Variants in RHBDL3 observed in about 807,000 individuals in gnomAD.
The protein encoded by RHBDL3 is rhomboid-related protein 3.
Under a neutral mutation model 48.2 loss-of-function variants are expected in RHBDL3, and 28 were observed. That is an observed-to-expected ratio of 0.58 (90% CI 0.43 to 0.80). The LOEUF is 0.80. Ranked by LOEUF, RHBDL3 falls within the 30% of genes least tolerant of loss-of-function variation. The probability of loss-of-function intolerance (pLI) is 0.00; values close to 1 mark genes in which losing one functional copy is unlikely to be tolerated. For missense variants in RHBDL3, 464 were observed against 542.7 expected (o/e 0.85, Z 1.44); for synonymous variants, 208 against 232.3 (o/e 0.90, Z 0.95).
At chr17:32,311,601 G>A (rs1261673465) in intron 7 of RHBDL3, among the ~76,000 whole-genome samples, 1 of 152,160 alleles carries the variant, frequency 6.6e-6, no homozygotes, top group Non-Finnish European at 1.5e-5. Flanking sequence ...CCTAAAGTGT[G>A]CGGCAGAGGG....
At chr17:32,270,193 T>C (rs945390543) in intron 2 of RHBDL3, among the ~76,000 whole-genome samples, 3 of 145,294 alleles carry the variant, frequency 2.1e-5, no homozygotes, top group Admixed American at 1.4e-4. Context: ...ACTGCAGTCA[T>C]GGATGGGACA....
At chr17:32,305,234 C>G (rs2150740142) in intron 6 of RHBDL3, 107 bp from the exon 7 acceptor site, 1 of 760,000 alleles carries the variant, frequency 1.3e-6, no homozygotes. Context: ...GGTGGAGCGT[C>G]TTGCTCTGGA....
chr17:32,273,064 G>A (rs925199364), intron 2 of RHBDL3, among the ~76,000 whole-genome samples: 1 of 152,208 alleles, frequency 6.6e-6, no homozygotes, highest in Admixed American at 6.5e-5. Context: ...GCAGTAGCGC[G>A]ATCTCAGCTT....
At chr17:32,307,830 C>T (rs943853856) in intron 7 of RHBDL3, among the ~76,000 whole-genome samples, 4 of 152,104 alleles carry the variant, frequency 2.6e-5, no homozygotes, top group Admixed American at 2.6e-4. Flanking sequence ...ATTCTGCCTC[C>T]TCCACTCCCC....
At chr17:32,269,966 C>G (rs1233477406) in intron 2 of RHBDL3, among the ~76,000 whole-genome samples, 1 of 151,786 alleles carries the variant, frequency 6.6e-6, no homozygotes, top group East Asian at 1.9e-4. Flanking sequence ...GAAGGTAGGT[C>G]CTGGGTCCTG....
intron 4 of RHBDL3, 32 bp downstream of exon 4, chr17:32,289,048 G>A: frequency 6.3e-7 from 1 of 1,587,926 alleles, no homozygotes. Flanking sequence ...GGGTTGCTCT[G>A]CCTTGGGGAG....
At chr17:32,305,117 CAAAA>C (rs1249938769) in intron 6 of RHBDL3, among the ~76,000 whole-genome samples, 1 of 98,040 alleles carries the variant, frequency 1.0e-5, no homozygotes, top group East Asian at 3.5e-4. Context: ...GACCTTGTCT[CAAAA>C]AGAAAGAAAG....
chr17:32,267,972 T>C lies in RHBDL3; in HGVS notation c.135+47T>C, dbSNP rs568272398. 6.2e-4 allele frequency: 898 copies of C among 1,449,274 alleles called. 14 individuals carry two copies. In the South Asian group the frequency reaches 9.9e-3, roughly 16 times the overall value. 89.8% of individuals were successfully genotyped at this position (1,449,274 alleles called of 1,614,324 possible). Reference sequence around the variant, plus strand: ...CATTTCCTTCCAGCCCTCCCTGAAATCGGTCTCAGTCTCCCTGCTTGCGTG... The same window carrying C: ...CATTTCCTTCCAGCCCTCCCTGAAACCGGTCTCAGTCTCCCTGCTTGCGTG... On this transcript the variant is annotated intron_variant, in intron 2 of 8. Transcript: ENST00000269051.
intron 2 of RHBDL3, among the ~76,000 whole-genome samples, chr17:32,271,574 C>T (rs1286641317): frequency 6.6e-6 from 1 of 152,172 alleles, no homozygotes; most frequent in Non-Finnish European, 1.5e-5. Context: ...GACCAGAGCC[C>T]AGTTAACCCA....
At chr17:32,292,465 G>T (rs2040352841) in intron 4 of RHBDL3, among the ~76,000 whole-genome samples, 1 of 152,098 alleles carries the variant, frequency 6.6e-6, no homozygotes, top group African/African-American at 2.4e-5. Flanking sequence ...ATAGTCAAAA[G>T]GTAGAAGCAA....
Position 32,266,234 on chromosome 17 carries a change from C to A in RHBDL3, c.45C>A (p.Ala15=). 1 of 1,447,592 alleles carries A rather than the reference C, an allele frequency of 6.9e-7. No homozygotes were observed. Among genetic ancestry groups the A allele is most frequent in the Non-Finnish European group, 9.0e-7 (1 of 1,106,652 alleles). The allele number at this position is 1,447,592 out of a possible 1,614,324, so 89.7% of individuals were successfully genotyped here. Residue 15 remains alanine, a synonymous_variant, in exon 1 of 9, where the codon GCC becomes GCA. Coordinates refer to ENST00000269051, the MANE Select transcript of RHBDL3 (RefSeq NM_138328.3). ...CGGGCCCCGCGGTGGCCGCCTGCGC[C>A]GAGGCGGAGCGCATCGAGGAGCTGG... is the stretch of plus-strand genomic sequence containing the variant. ...PSPGPAVAAC[A]EAERIEELEP...
chr17:32,302,022 T>C (rs1441283357), intron 6 of RHBDL3, among the ~76,000 whole-genome samples: 1 of 152,196 alleles, frequency 6.6e-6, no homozygotes, highest in Non-Finnish European at 1.5e-5. Flanking sequence ...CCTCAGAATT[T>C]TGGGGTGCAG....
intron 5 of RHBDL3, among the ~76,000 whole-genome samples, chr17:32,295,610 C>T (rs1321488389): frequency 1.3e-5 from 2 of 152,222 alleles, no homozygotes; most frequent in East Asian, 1.9e-4. Flanking sequence ...TCCAGGACTG[C>T]CCCCTGACCT....
intron 2 of RHBDL3, among the ~76,000 whole-genome samples, chr17:32,273,691 T>C (rs1429093318): frequency 6.6e-6 from 1 of 152,202 alleles, no homozygotes; most frequent in Non-Finnish European, 1.5e-5. Flanking sequence ...TACAGCAATT[T>C]AAACAAGTAA....
chr17:32,315,354 A>T (rs2150754503), intron 7 of RHBDL3, among the ~76,000 whole-genome samples: 1 of 152,374 alleles, frequency 6.6e-6, no homozygotes, highest in East Asian at 1.9e-4. Context: ...TAGTGCTTTG[A>T]ATGCACTGCA....
intron 5 of RHBDL3, among the ~76,000 whole-genome samples, chr17:32,296,444 T>C (rs910509938): frequency 6.8e-6 from 1 of 147,468 alleles, no homozygotes; most frequent in Admixed American, 6.9e-5. Flanking sequence ...CAAGCGATTC[T>C]CCTTCCTCAG....
At chr17:32,289,829 G>T (rs551110228) in intron 4 of RHBDL3, among the ~76,000 whole-genome samples, 1 of 152,124 alleles carries the variant, frequency 6.6e-6, no homozygotes. Context: ...CCAAAGCCAC[G>T]GGCCTAATTA....
At chr17:32,272,978 C>T (rs1416237953) in intron 2 of RHBDL3, among the ~76,000 whole-genome samples, 1 of 152,064 alleles carries the variant, frequency 6.6e-6, no homozygotes, top group African/African-American at 2.4e-5. Context: ...GCATCTTGTC[C>T]AGTCTGCTCA....
intron 2 of RHBDL3, among the ~76,000 whole-genome samples, chr17:32,275,220 A>G (rs2039868879): frequency 6.6e-6 from 1 of 152,132 alleles, no homozygotes; most frequent in Admixed American, 6.5e-5. Flanking sequence ...CCTGGGCTTC[A>G]TGGCCATGAC....
Sources: gnomAD v4.1 joint callset for allele counts (sites outside exome capture counted in the v4.1 genomes callset) on GRCh38, gnomAD v4.1.1 for gene constraint, MANE v1.5 for transcripts, NCBI Gene and HGNC (gene_info 2026-07-23, HGNC 2026-07-21) for gene names.